SASH1: variants seen among roughly 807,000 people sequenced by gnomAD.
The protein encoded by SASH1 is SAM and SH3 domain containing 1.
Under a neutral mutation model 125.2 loss-of-function variants are expected in SASH1, and 44 were observed. The ratio of observed to expected loss-of-function variants is 0.35; its 90% CI spans 0.28 to 0.45. The LOEUF (loss-of-function observed/expected upper bound fraction) is 0.45, where lower values mean the gene tolerates loss of function less well. Among genes scored for constraint, SASH1 ranks in the 20% least tolerant of loss-of-function variants. SASH1 has a pLI of 1.00. For missense variants in SASH1, 1,426 were observed against 1,614.5 expected, an observed-to-expected ratio of 0.88 and a Z score of 2.00; for synonymous variants, 639 against 649.1, an observed-to-expected ratio of 0.98 and a Z score of 0.24.
chr6:148,487,949 A>G (rs1778952428), intron 8 of SASH1, among the ~76,000 whole-genome samples: 1 of 151,074 alleles, frequency 6.6e-6, no homozygotes, highest in Non-Finnish European at 1.5e-5. Context: ...AGTAAAGTAT[A>G]CATAAGATGA....
At chr6:148,324,571 A>G (rs1198284252) in intron 1 of SASH1, among the ~76,000 whole-genome samples, 1 of 152,184 alleles carries the variant, frequency 6.6e-6, no homozygotes, top group Admixed American at 6.6e-5. Context: ...CTCCAGCCTT[A>G]TAGCCATTGC....
intron 2 of SASH1, among the ~76,000 whole-genome samples, chr6:148,423,055 C>T (rs951503658): frequency 3.9e-5 from 6 of 152,220 alleles, no homozygotes; most frequent in African/African-American, 1.4e-4. Flanking sequence ...TCTCCTGCCT[C>T]AGCCTCCCGA....
intron 1 of SASH1, among the ~76,000 whole-genome samples, chr6:148,366,601 T>A (rs1474264643): frequency 6.6e-6 from 1 of 152,116 alleles, no homozygotes; most frequent in African/African-American, 2.4e-5. Context: ...TTTGTTTTGT[T>A]TGTTTGTTTG....
intron 1 of SASH1, among the ~76,000 whole-genome samples, chr6:148,301,634 A>G (rs1407167965): frequency 6.6e-6 from 1 of 151,358 alleles, no homozygotes; most frequent in African/African-American, 2.4e-5. Flanking sequence ...GCTGGAGTGC[A>G]GTGTTGTGAT....
chr6:148,250,607 G>A, the SASH1 span, among the ~76,000 whole-genome samples: 352 of 148,100 alleles, frequency 2.4e-3, 3 homozygotes, highest in African/African-American at 8.3e-3. Context: ...TAAAAAAAAA[G>A]AATGAAACAT....
chr6:148,331,009 T>C (rs1169557045), intron 1 of SASH1, among the ~76,000 whole-genome samples: 1 of 152,184 alleles, frequency 6.6e-6, no homozygotes, highest in Middle Eastern at 3.2e-3. Context: ...TTTCATATAA[T>C]CTTACGGTTC....
chr6:148,512,405 T>C, intron 8 of SASH1: 2 of 898,908 alleles, frequency 2.2e-6, no homozygotes, highest in Non-Finnish European at 2.7e-6. Flanking sequence ...GCTTGGCTTT[T>C]GAGCTACATC....
the SASH1 span, among the ~76,000 whole-genome samples, chr6:148,228,962 C>G: frequency 6.6e-6 from 1 of 151,630 alleles, no homozygotes; most frequent in East Asian, 1.9e-4. Flanking sequence ...GTGGTGAAAC[C>G]CCATCTCTAC....
chr6:148,242,265 G>A, the SASH1 span, among the ~76,000 whole-genome samples: 2 of 152,174 alleles, frequency 1.3e-5, no homozygotes, highest in Admixed American at 1.3e-4. Flanking sequence ...GAAACAGAAA[G>A]GGTGGGAAAA....
chr6:148,205,105 C>T, the SASH1 span, among the ~76,000 whole-genome samples: 1 of 152,156 alleles, frequency 6.6e-6, no homozygotes, highest in African/African-American at 2.4e-5. Flanking sequence ...TTTCAGATGT[C>T]TATTGGTCAG....
Position 148,544,447 on chromosome 6 carries a change from A to G in SASH1, c.2977A>G (p.Arg993Gly). The part of the protein sequence containing the change: ...QPPPVPAKKS[R>G]ERLANGLHPV... Reference sequence around the variant, plus strand: ...TCCACCTGTTCCTGCCAAAAAGAGCAGAGAACGCCTTGCTAACGGACTCCA... The same window carrying G: ...TCCACCTGTTCCTGCCAAAAAGAGCGGAGAACGCCTTGCTAACGGACTCCA... The change falls in exon 18 of 20, where the codon AGA becomes GGA. Residue 993 changes from arginine to glycine, a missense_variant. This residue lies in a region of SASH1 where 634 missense variants were observed against 694.4 expected (regional missense o/e 0.91). Transcript: ENST00000367467. This position sits in a 1 kb window ranked among gnomAD's most constrained non-coding sequence, Gnocchi z 6.4. 1.2e-6 allele frequency: 2 copies of G among 1,614,240 alleles called. No homozygotes were observed. Among genetic ancestry groups the G allele is most frequent in the Non-Finnish European group, 1.7e-6 (2 of 1,180,036 alleles).
At chr6:148,278,097 G>A (rs956786205) in intron 1 of SASH1, among the ~76,000 whole-genome samples, 1 of 151,202 alleles carries the variant, frequency 6.6e-6, no homozygotes, top group Non-Finnish European at 1.5e-5. Flanking sequence ...CTGGAGTGCA[G>A]TGCATGATCT....
the SASH1 span, among the ~76,000 whole-genome samples, chr6:148,263,340 G>A: frequency 1.3e-5 from 2 of 152,290 alleles, no homozygotes; most frequent in East Asian, 3.9e-4. Context: ...GGAAGCAGAA[G>A]GCAGTTCTGA....
intron 8 of SASH1, among the ~76,000 whole-genome samples, chr6:148,487,946 T>C (rs1778952245): frequency 2.0e-5 from 3 of 151,304 alleles, no homozygotes; most frequent in Admixed American, 1.3e-4. Context: ...TGCAGTAAAG[T>C]ATACATAAGA....
At chr6:148,373,902 G>A (rs901970130) in intron 1 of SASH1, among the ~76,000 whole-genome samples, 1 of 152,224 alleles carries the variant, frequency 6.6e-6, no homozygotes, top group Non-Finnish European at 1.5e-5. Context: ...GAACCTGGGA[G>A]ACGGAGGTTG....
chr6:148,455,513 C>T (rs906134394), intron 4 of SASH1, among the ~76,000 whole-genome samples: 2 of 152,074 alleles, frequency 1.3e-5, no homozygotes, highest in Admixed American at 6.6e-5. Context: ...CATCTGAGGG[C>T]AGGGTGAAAT....
chr6:148,407,779 C>T (rs886984297), intron 2 of SASH1, among the ~76,000 whole-genome samples: 97 of 152,170 alleles, frequency 6.4e-4, no homozygotes, highest in African/African-American at 2.0e-3. Flanking sequence ...ACTACAGGCG[C>T]GCACCACCAC....
intron 17 of SASH1, among the ~76,000 whole-genome samples, chr6:148,541,411 A>G (rs1172729879): frequency 6.6e-6 from 1 of 151,978 alleles, no homozygotes; most frequent in Non-Finnish European, 1.5e-5. Context: ...GCAGTTTTGT[A>G]AGACAAAATA....
chr6:148,537,782 G>C (rs1781942551), intron 16 of SASH1, among the ~76,000 whole-genome samples: 1 of 39,728 alleles, frequency 2.5e-5, no homozygotes, highest in African/African-American at 1.6e-4. Context: ...TATTCTGTGT[G>C]TGTGTGTGTG....
Sources: gnomAD v4.1 joint callset for allele counts (sites outside exome capture counted in the v4.1 genomes callset) on GRCh38, gnomAD v4.1.1 for gene constraint, gnomAD v4.1.1 regional missense constraint, Gnocchi (gnomAD v3.1) non-coding constraint, MANE v1.5 for transcripts, NCBI Gene and HGNC (gene_info 2026-07-23, HGNC 2026-07-21) for gene names.